Variants in LRRC37A2 observed in about 807,000 individuals in gnomAD.
LRRC37A2 encodes the protein leucine rich repeat containing 37 member A2.
Under a neutral mutation model 68.8 loss-of-function variants are expected in LRRC37A2, and 9 were observed. That is an observed-to-expected ratio of 0.13 (90% CI 0.08 to 0.23). The LOEUF is 0.23. Ranked by LOEUF, LRRC37A2 falls within the 10% of genes least tolerant of loss-of-function variation. The probability of loss-of-function intolerance (pLI) is 1.00; values close to 1 mark genes in which losing one functional copy is unlikely to be tolerated. For missense variants in LRRC37A2, 168 were observed against 950.4 expected (o/e 0.18, Z 10.82); for synonymous variants, 63 against 367.6 (o/e 0.17, Z 9.48).
At chr17:46,788,111 C>A in the LRRC37A2 span, among the ~76,000 whole-genome samples, 11 of 152,122 alleles carry the variant, frequency 7.2e-5, no homozygotes, top group Non-Finnish European at 1.2e-4. Context: ...GCAAAGAAGT[C>A]CCCTTCAAAG....
At chr17:46,913,671 C>T in the LRRC37A2 span, among the ~76,000 whole-genome samples, 2 of 152,196 alleles carry the variant, frequency 1.3e-5, no homozygotes, top group Non-Finnish European at 2.9e-5. Context: ...CTGTCTGCCA[C>T]GATGAGGATA....
the LRRC37A2 span, among the ~76,000 whole-genome samples, chr17:46,818,041 G>C: frequency 6.6e-6 from 1 of 152,064 alleles, no homozygotes; most frequent in East Asian, 1.9e-4. Context: ...GGAAGGCAAA[G>C]GGGGGTTATT....
chr17:46,929,506 T>C, the LRRC37A2 span: 19 of 1,452,074 alleles, frequency 1.3e-5, no homozygotes, highest in Non-Finnish European at 1.8e-5. Context: ...ATTTCCTCCC[T>C]CTTCCTTTGA....
chr17:46,816,250 T>C, the LRRC37A2 span, among the ~76,000 whole-genome samples: 2 of 151,332 alleles, frequency 1.3e-5, no homozygotes, highest in Non-Finnish European at 2.9e-5. Flanking sequence ...CTTCTAGACT[T>C]CTCTCTGTCT....
At chr17:46,869,950 G>A in the LRRC37A2 span, among the ~76,000 whole-genome samples, 1 of 151,802 alleles carries the variant, frequency 6.6e-6, no homozygotes, top group Admixed American at 6.6e-5. Context: ...AGTGAGCTGA[G>A]ATCACACCAC....
chr17:46,978,516 C>T, the LRRC37A2 span: 1 of 1,168,736 alleles, frequency 8.6e-7, no homozygotes, highest in Non-Finnish European at 1.2e-6. Flanking sequence ...CGCCGCGTCC[C>T]CGCCCGGGCG....
the LRRC37A2 span, chr17:46,875,388 C>A: frequency 6.4e-7 from 1 of 1,568,684 alleles, no homozygotes; most frequent in East Asian, 2.3e-5. Flanking sequence ...CCTGGCTGCC[C>A]GCAGTGCCTT....
chr17:47,004,501 C>A, the LRRC37A2 span, among the ~76,000 whole-genome samples: 1 of 152,160 alleles, frequency 6.6e-6, no homozygotes, highest in Non-Finnish European at 1.5e-5. Context: ...TCCCTCAGGG[C>A]AGAATATAAT....
chr17:46,973,297 C>T, the LRRC37A2 span, among the ~76,000 whole-genome samples: 2 of 151,908 alleles, frequency 1.3e-5, no homozygotes, highest in African/African-American at 2.4e-5. Flanking sequence ...CTCACTCTCA[C>T]TCTGCTGCTG....
chr17:46,762,128 C>T, the LRRC37A2 span, among the ~76,000 whole-genome samples: 5 of 152,296 alleles, frequency 3.3e-5, no homozygotes, highest in East Asian at 7.7e-4. Flanking sequence ...GAGTTGAAAA[C>T]GTGGTGAGGA....
chr17:46,896,414 GA>G, the LRRC37A2 span, among the ~76,000 whole-genome samples: 1 of 82,822 alleles, frequency 1.2e-5, no homozygotes, highest in African/African-American at 1.0e-4. Context: ...AAGAAAGAAA[GA>G]AAGAAAGAAA....
the LRRC37A2 span, among the ~76,000 whole-genome samples, chr17:46,979,835 T>C: frequency 6.6e-6 from 1 of 151,174 alleles, no homozygotes; most frequent in Admixed American, 6.6e-5. Flanking sequence ...TAGACTAGTT[T>C]AGAAAACATG....
the LRRC37A2 span, among the ~76,000 whole-genome samples, chr17:46,878,537 C>T: frequency 6.6e-6 from 1 of 152,228 alleles, no homozygotes; most frequent in Admixed American, 6.5e-5. Context: ...TGGCCCACAC[C>T]TTGGCAGCAG....
chr17:46,910,891 T>G, the LRRC37A2 span, among the ~76,000 whole-genome samples: 2 of 151,758 alleles, frequency 1.3e-5, no homozygotes, highest in African/African-American at 4.8e-5. Flanking sequence ...CTTTGGGAGG[T>G]AGAGGTGGGT....
chr17:46,873,988 CAAAAA>C, the LRRC37A2 span, among the ~76,000 whole-genome samples: 1 of 69,694 alleles, frequency 1.4e-5, no homozygotes, highest in Admixed American at 1.7e-4. Context: ...GACTCTGTCT[CAAAAA>C]AAAAAAAAAA....
chr17:46,709,340 TA>T, the LRRC37A2 span, among the ~76,000 whole-genome samples: 71 of 148,068 alleles, frequency 4.8e-4, 1 homozygote, highest in Admixed American at 6.1e-4. Context: ...GTCTGGAGGA[TA>T]AAAAAAAAAT....
At chr17:46,954,548 TC>T in the LRRC37A2 span, among the ~76,000 whole-genome samples, 1 of 152,228 alleles carries the variant, frequency 6.6e-6, no homozygotes, top group Non-Finnish European at 1.5e-5. Context: ...AGTAGTTTTT[TC>T]CAATTCTGTG....
the LRRC37A2 span, among the ~76,000 whole-genome samples, chr17:46,915,315 T>G: frequency 6.6e-6 from 1 of 152,182 alleles, no homozygotes; most frequent in African/African-American, 2.4e-5. Context: ...TCCAGCATGG[T>G]GGCCTCAGGT....
the LRRC37A2 span, chr17:46,755,771 G>GT: frequency 5.3e-5 from 78 of 1,459,992 alleles, no homozygotes; most frequent in Non-Finnish European, 6.5e-5. Flanking sequence ...ACCCTCATCT[G>GT]TTTTTTTGTG....
Sources: gnomAD v4.1 joint callset for allele counts (sites outside exome capture counted in the v4.1 genomes callset) on GRCh38, gnomAD v4.1.1 for gene constraint, MANE v1.5 for transcripts, NCBI Gene and HGNC (gene_info 2026-07-23, HGNC 2026-07-21) for gene names.